ZNF148: variants seen among roughly 807,000 people sequenced by gnomAD.
ZNF148 encodes the protein Beta-Enolase Repressor Factor-1.
Under a neutral mutation model 67.7 loss-of-function variants are expected in ZNF148, and 7 were observed. The observed-to-expected ratio is 0.10, with a 90% CI of 0.06 to 0.19. ZNF148 has a LOEUF of 0.19. ZNF148 is among the 10% of genes least tolerant of loss of function. The pLI, the probability that ZNF148 is intolerant of heterozygous loss-of-function variation, is 1.00. For synonymous variants in ZNF148, 333 were observed against 330.7 expected (o/e 1.01, Z -0.08); for missense variants, 583 against 947.1 (o/e 0.62, Z 5.05).
intron 5 of ZNF148, among the ~76,000 whole-genome samples, chr3:125,287,879 T>C (rs1938782928): frequency 6.6e-6 from 1 of 152,078 alleles, no homozygotes; most frequent in Admixed American, 6.6e-5. Context: ...GATAGAGATA[T>C]GGAAAAAGAA....
intron 1 of ZNF148, among the ~76,000 whole-genome samples, chr3:125,374,828 C>T (rs1375331237): frequency 6.6e-6 from 1 of 152,054 alleles, no homozygotes; most frequent in Non-Finnish European, 1.5e-5. Context: ...TGACACCCGC[C>T]TCCAGCCTCG....
At chr3:125,240,953 T>C (rs1037763918) in intron 7 of ZNF148, among the ~76,000 whole-genome samples, 1 of 152,196 alleles carries the variant, frequency 6.6e-6, no homozygotes, top group African/African-American at 2.4e-5. Context: ...TGGTCATTTA[T>C]TATTTTTTGA....
intron 1 of ZNF148, among the ~76,000 whole-genome samples, chr3:125,340,531 G>A (rs1238244884): frequency 6.6e-6 from 1 of 152,170 alleles, no homozygotes; most frequent in Non-Finnish European, 1.5e-5. Context: ...TAGACAATCA[G>A]AAACCCAGCA....
At chr3:125,374,880 C>T (rs1407746435) in intron 1 of ZNF148, among the ~76,000 whole-genome samples, 1 of 151,736 alleles carries the variant, frequency 6.6e-6, no homozygotes, top group African/African-American at 2.4e-5. Context: ...CATTATCCCT[C>T]CTCAACCCCC....
intron 2 of ZNF148, among the ~76,000 whole-genome samples, chr3:125,330,158 T>A (rs1941223148): frequency 6.6e-6 from 1 of 152,120 alleles, no homozygotes; most frequent in African/African-American, 2.4e-5. Flanking sequence ...ATAATTTCAA[T>A]CCACAAGGTG....
chr3:125,364,471 T>C (rs1195880967), intron 1 of ZNF148, among the ~76,000 whole-genome samples: 6 of 152,082 alleles, frequency 3.9e-5, no homozygotes, highest in African/African-American at 1.4e-4. Context: ...CACTGTGGTA[T>C]ATTCATATGA....
At chr3:125,316,831 T>C (rs767095090) in intron 3 of ZNF148, among the ~76,000 whole-genome samples, 2 of 152,202 alleles carry the variant, frequency 1.3e-5, no homozygotes, top group Non-Finnish European at 2.9e-5. Context: ...TATCCTTTCC[T>C]GTGCAGAAGA....
intron 4 of ZNF148, among the ~76,000 whole-genome samples, chr3:125,299,295 T>C (rs2107646494): frequency 6.6e-6 from 1 of 152,324 alleles, no homozygotes; most frequent in Non-Finnish European, 1.5e-5. Context: ...TGTCTCACAA[T>C]TCCAGATGAA....
chr3:125,298,274 T>G (rs1939388701), intron 4 of ZNF148, among the ~76,000 whole-genome samples: 1 of 152,010 alleles, frequency 6.6e-6, no homozygotes, highest in African/African-American at 2.4e-5. Flanking sequence ...TCTTATGATT[T>G]GTGCGCTTTT....
intron 1 of ZNF148, chr3:125,344,415 C>A: frequency 1.4e-6 from 1 of 734,884 alleles, no homozygotes; most frequent in Non-Finnish European, 2.5e-6. Context: ...TCCTCAGGGA[C>A]CCCATTCCAA....
At chr3:125,320,469 T>A (rs879804387) in intron 3 of ZNF148, among the ~76,000 whole-genome samples, 1 of 152,198 alleles carries the variant, frequency 6.6e-6, no homozygotes, top group Non-Finnish European at 1.5e-5. Flanking sequence ...AAATAAATAT[T>A]TCTCACTTAG....
At chr3:125,278,393 CCTT>C (rs1231085149) in intron 6 of ZNF148, among the ~76,000 whole-genome samples, 4 of 152,248 alleles carry the variant, frequency 2.6e-5, no homozygotes, top group East Asian at 3.9e-4. Flanking sequence ...TACTTTCTCT[CCTT>C]CTCTTTCACT....
At chr3:125,365,356 T>C (rs1473427256) in intron 1 of ZNF148, among the ~76,000 whole-genome samples, 1 of 152,216 alleles carries the variant, frequency 6.6e-6, no homozygotes, top group East Asian at 1.9e-4. Flanking sequence ...TCACTGCTTC[T>C]ACTCACAATT....
rs190969770 is a variant in ZNF148, at chr3:125,339,775, T to C, written c.-233-8537A>G. Among the ~76,000 whole-genome samples, 381 of 152,260 alleles carry C rather than the reference T, an allele frequency of 2.5e-3. 1 individual carries two copies. Among genetic ancestry groups the C allele is most frequent in the African/African-American group, 9.0e-3 (372 of 41,552 alleles). ...ATATCTCATGTACCCCATAAACATA[T>C]ACACCTACTATGTACCTACAAAAAT... On this transcript the variant is annotated intron_variant, in intron 1 of 8. Transcript: ENST00000360647.
rs541823510 is a variant in ZNF148 at position 125,283,660 on chromosome 3, A to C, written c.460-4413T>G. ...TCCTGTTTGCATCCTCCGTCTTATA[A>C]TCAGTTCATCTTTAAAGCTACTTCT... On this transcript the variant is annotated intron_variant, in intron 5 of 8. Coordinates refer to ENST00000360647, the MANE Select transcript of ZNF148 (RefSeq NM_021964.3). Among the ~76,000 whole-genome samples, 3 of 152,196 alleles carry C rather than the reference A, an allele frequency of 2.0e-5. No individual in the cohort carries two copies. In the East Asian group the frequency reaches 5.8e-4, roughly 29 times the overall value.
At chr3:125,368,248 T>A (rs1335363194) in intron 1 of ZNF148, among the ~76,000 whole-genome samples, 1 of 151,996 alleles carries the variant, frequency 6.6e-6, no homozygotes, top group Non-Finnish European at 1.5e-5. Flanking sequence ...GAAAAATGAG[T>A]TTTTAAAAAA....
intron 3 of ZNF148, among the ~76,000 whole-genome samples, chr3:125,318,843 C>T (rs1177229654): frequency 6.6e-6 from 1 of 152,150 alleles, no homozygotes; most frequent in Non-Finnish European, 1.5e-5. Flanking sequence ...CTAAATCTCC[C>T]TTTCGCAGAT....
intron 1 of ZNF148, among the ~76,000 whole-genome samples, chr3:125,343,862 G>A (rs963490664): frequency 6.6e-6 from 1 of 152,112 alleles, no homozygotes; most frequent in East Asian, 1.9e-4. Flanking sequence ...GAGAGACCAC[G>A]AACCCACCGA....
At chr3:125,314,803 A>C (rs1471649913) in intron 3 of ZNF148, 2 of 152,192 alleles carry the variant, frequency 1.3e-5, no homozygotes, top group Admixed American at 1.3e-4. Flanking sequence ...CACGCCTGTA[A>C]TTCCAACACT....
Sources: gnomAD v4.1 joint callset for allele counts (sites outside exome capture counted in the v4.1 genomes callset) on GRCh38, gnomAD v4.1.1 for gene constraint, MANE v1.5 for transcripts, NCBI Gene and HGNC (gene_info 2026-07-23, HGNC 2026-07-21) for gene names.